Variants in XKR4 observed in about 807,000 individuals in gnomAD.
XKR4 encodes the protein XK-related protein 4.
XKR4 carries 12 observed loss-of-function variants against 53.9 expected under a neutral mutation model. That is an observed-to-expected ratio of 0.22 (90% CI 0.14 to 0.36). XKR4 has a LOEUF of 0.36. XKR4 is among the 10% of genes least tolerant of loss of function. The pLI is 1.00. For missense variants in XKR4, 799 were observed against 859.5 expected, an observed-to-expected ratio of 0.93 and a Z score of 0.88; for synonymous variants, 354 against 362.4, an observed-to-expected ratio of 0.98 and a Z score of 0.26.
chr8:55,127,307 C>T (rs1219490444), intron 1 of XKR4, among the ~76,000 whole-genome samples: 1 of 150,412 alleles, frequency 6.6e-6, no homozygotes, highest in Non-Finnish European at 1.5e-5. Context: ...GACTGGAGTG[C>T]AGTGGCATGA....
chr8:55,250,240 T>G (rs1818345602), intron 1 of XKR4, among the ~76,000 whole-genome samples: 1 of 152,192 alleles, frequency 6.6e-6, no homozygotes, highest in Non-Finnish European at 1.5e-5. Context: ...GAACACATTT[T>G]CTTTTCAAAA....
intron 2 of XKR4, among the ~76,000 whole-genome samples, chr8:55,480,710 G>A (rs1013116042): frequency 1.3e-4 from 19 of 147,970 alleles, no homozygotes; most frequent in Non-Finnish European, 2.8e-4. Context: ...AAAGACTCAG[G>A]ATACAAAATC....
rs757539151 is a variant in XKR4 at position 55,523,471 on chromosome 8, G to A, written c.1197G>A (p.Leu399=). 3 of 1,614,184 alleles carry A rather than the reference G, an allele frequency of 1.9e-6. No homozygotes were observed. In the Admixed American group the frequency reaches 5.0e-5, roughly 27 times the overall value. ...TFALFASVFQ[L]YFGIFIVLHW... is the part of the protein sequence containing the mutation. ...CCCTCTTTGCCTCGGTTTTCCAGCT[G>A]TACTTTGGGATCTTCATCGTCCTTC... The change falls in exon 3 of 3, where the codon CTG becomes CTA. Residue 399 remains leucine (L), a synonymous_variant. Transcript: ENST00000327381.
intron 1 of XKR4, among the ~76,000 whole-genome samples, chr8:55,222,403 A>C (rs550667316): frequency 6.6e-6 from 1 of 152,246 alleles, no homozygotes; most frequent in Non-Finnish European, 1.5e-5. Context: ...ACAGTTTTAA[A>C]AAAATACTAT....
intron 1 of XKR4, among the ~76,000 whole-genome samples, chr8:55,191,262 C>A (rs1397178536): frequency 6.6e-6 from 1 of 152,196 alleles, no homozygotes; most frequent in Non-Finnish European, 1.5e-5. Flanking sequence ...CTGCTCCTCT[C>A]TCCTCCCAAA....
chr8:55,387,011 C>A (rs1186524644), intron 2 of XKR4, among the ~76,000 whole-genome samples: 2 of 152,218 alleles, frequency 1.3e-5, no homozygotes, highest in East Asian at 3.8e-4. Flanking sequence ...CTTAATGTGG[C>A]AGCTTTCTAG....
rs960005331 is a variant in XKR4, at chr8:55,332,648, T to C, written c.807-25030T>C. Reference sequence around the variant, plus strand: ...TCCCACTGCCATCTGTCTGCAAGGTTTCAGCTAAGAAAAGTGTTAATTATC... The same window carrying C: ...TCCCACTGCCATCTGTCTGCAAGGTCTCAGCTAAGAAAAGTGTTAATTATC... On this transcript the variant is annotated intron_variant, in intron 1 of 2. Transcript: ENST00000327381. Among the ~76,000 whole-genome samples, 5 of 152,112 alleles carry C rather than the reference T, an allele frequency of 3.3e-5. No homozygotes were observed. The East Asian group carries it at 9.6e-4, about 29-fold the overall frequency.
intron 2 of XKR4, chr8:55,451,949 C>A: frequency 1.3e-6 from 1 of 774,502 alleles, no homozygotes; most frequent in East Asian, 2.5e-5. Context: ...CTCCAGTGCT[C>A]CTAGCTGAGT....
rs1172132908 is a variant in XKR4 at position 55,530,631 on chromosome 8, A to G, written c.*6404A>G. The stretch of plus-strand genomic sequence containing the variant: ...TCAACCCTGGTGTTTATTTTTAAAA[A>G]ATCTTCAATGATCAATATGAATGTA... On this transcript the variant is annotated 3_prime_UTR_variant, in exon 3 of 3. Transcript: ENST00000327381. 2.0e-5 allele frequency: 3 copies of G among 152,226 alleles called. No individual in the cohort carries two copies. The highest frequency in any genetic ancestry group is 2.9e-5 in the Non-Finnish European group (2 of 68,038). The allele number at this position is 152,226 out of a possible 1,614,324, so 9.4% of individuals were successfully genotyped here. A position where few individuals can be genotyped will look rare whatever the true frequency, so the allele number is the denominator to read the frequency against.
intron 2 of XKR4, among the ~76,000 whole-genome samples, chr8:55,391,885 C>T (rs116441635): frequency 0.029 from 4,345 of 152,092 alleles, 195 homozygotes; most frequent in African/African-American, 0.098. Flanking sequence ...AAAATAGAGA[C>T]GCAAAGAAGA....
chr8:55,474,374 A>G (rs953767530), intron 2 of XKR4, among the ~76,000 whole-genome samples: 2 of 152,160 alleles, frequency 1.3e-5, no homozygotes, highest in South Asian at 4.1e-4. Context: ...TGCTCTCTCT[A>G]TAGAGAGTTA....
chr8:55,104,087 A>G (rs2129350252), intron 1 of XKR4, among the ~76,000 whole-genome samples: 1 of 151,982 alleles, frequency 6.6e-6, no homozygotes, highest in East Asian at 1.9e-4. Flanking sequence ...CATCTGATCT[A>G]CCAAGTCTTT....
intron 1 of XKR4, among the ~76,000 whole-genome samples, chr8:55,343,300 A>T (rs150187808): frequency 6.6e-6 from 1 of 152,328 alleles, no homozygotes; most frequent in Non-Finnish European, 1.5e-5. Context: ...TATGGTTCTT[A>T]TGATGGTGAA....
intron 1 of XKR4, among the ~76,000 whole-genome samples, chr8:55,317,286 C>T (rs1210393072): frequency 1.3e-5 from 2 of 152,120 alleles, no homozygotes; most frequent in Admixed American, 6.6e-5. Context: ...TTGAATTAGT[C>T]TGAGTTTTGC....
intron 2 of XKR4, among the ~76,000 whole-genome samples, chr8:55,516,638 A>G (rs1482095520): frequency 6.6e-6 from 1 of 152,244 alleles, no homozygotes; most frequent in Non-Finnish European, 1.5e-5. Context: ...GTTGACAAGG[A>G]TGTGGAGAAA....
intron 1 of XKR4, among the ~76,000 whole-genome samples, chr8:55,265,190 G>C (rs76116759): frequency 6.6e-6 from 1 of 152,132 alleles, no homozygotes; most frequent in Non-Finnish European, 1.5e-5. Context: ...TCCCATTCCT[G>C]GTGAAGATGC....
chr8:55,255,101 A>G (rs6991053), intron 1 of XKR4, among the ~76,000 whole-genome samples: 3,361 of 152,276 alleles, frequency 0.022, 131 homozygotes, highest in African/African-American at 0.076. Context: ...CAAAATTTCC[A>G]GTAAATACCT....
chr8:55,308,505 G>A (rs1174726228), intron 1 of XKR4, among the ~76,000 whole-genome samples: 4 of 152,040 alleles, frequency 2.6e-5, no homozygotes, highest in Admixed American at 2.6e-4. Flanking sequence ...GAACAGCATG[G>A]GGGAAACTGC....
At chr8:55,197,437 A>T (rs1336251266) in intron 1 of XKR4, among the ~76,000 whole-genome samples, 4 of 152,176 alleles carry the variant, frequency 2.6e-5, no homozygotes, top group African/African-American at 9.6e-5. Context: ...TCACTTTGTG[A>T]TATCTTTAAT....
Sources: gnomAD v4.1 joint callset for allele counts (sites outside exome capture counted in the v4.1 genomes callset) on GRCh38, gnomAD v4.1.1 for gene constraint, MANE v1.5 for transcripts, NCBI Gene and HGNC (gene_info 2026-07-23, HGNC 2026-07-21) for gene names.